The following MDGA2 variants were observed in gnomAD, a reference collection of about 807,000 sequenced individuals.
MDGA2 encodes MAM domain containing glycosylphosphatidylinositol anchor 2.
A neutral mutation model predicts 117.8 loss-of-function variants in MDGA2; 40 were observed. The observed-to-expected ratio is 0.34, with a 90% CI of 0.26 to 0.44. The LOEUF is 0.44. Ranked by LOEUF, MDGA2 falls within the 20% of genes least tolerant of loss-of-function variation. The pLI is 1.00. For synonymous variants in MDGA2, 452 were observed against 439.0 expected (o/e 1.03, Z -0.37); for missense variants, 1,123 against 1,250.6 (o/e 0.90, Z 1.54).
intron 1 of MDGA2, among the ~76,000 whole-genome samples, chr14:47,656,115 A>G (rs549771117): frequency 6.6e-6 from 1 of 152,330 alleles, no homozygotes; most frequent in South Asian, 2.1e-4. Flanking sequence ...TTAAGAGACC[A>G]TGGTGCCAAA....
chr14:47,038,843 T>C (rs1389543739), intron 7 of MDGA2, among the ~76,000 whole-genome samples: 3 of 151,070 alleles, frequency 2.0e-5, no homozygotes, highest in African/African-American at 4.9e-5. Flanking sequence ...TCTGGAGGCT[T>C]AGGGGCTCAG....
rs1031259749 is a variant in MDGA2 at position 47,492,974 on chromosome 14, C to T, written c.280+181543G>A. Reference sequence around the variant, plus strand: ...AAATTTTGTTTCATTTTATTATTTTCTCTAATGCTACATTTATCTTTTAAT... The same window carrying T: ...AAATTTTGTTTCATTTTATTATTTTTTCTAATGCTACATTTATCTTTTAAT... On this transcript the variant is annotated intron_variant, in intron 1 of 16. Coordinates refer to ENST00000399232, the MANE Select transcript of MDGA2 (RefSeq NM_001113498.3). Among the ~76,000 whole-genome samples the T allele has an allele frequency of 3.9e-5, 6 of 151,984 alleles. No individual in the cohort carries two copies. The East Asian group carries it at 1.2e-3, about 29-fold the overall frequency.
chr14:47,222,914 G>C (rs1050556585), intron 2 of MDGA2, among the ~76,000 whole-genome samples: 2 of 152,194 alleles, frequency 1.3e-5, no homozygotes, highest in African/African-American at 4.8e-5. Context: ...GAATACAGTT[G>C]TACGAGTCTG....
At chr14:46,974,901 C>T (rs1408817975) in intron 8 of MDGA2, among the ~76,000 whole-genome samples, 2 of 151,320 alleles carry the variant, frequency 1.3e-5, no homozygotes, top group African/African-American at 4.9e-5. Context: ...AAAGTAGCAA[C>T]AGAGTAAAAA....
rs1890765651 is a variant in MDGA2 at position 47,346,511 on chromosome 14, G to C, written c.281-44961C>G. On this transcript the variant is annotated intron_variant, in intron 1 of 16. Coordinates refer to ENST00000399232, the MANE Select transcript of MDGA2 (RefSeq NM_001113498.3). ...CATTTTTAAAAATCCCTTTCTTTCT[G>C]ACCTTGGACAAATCCCAAACTTTCT... Among the ~76,000 whole-genome samples the C allele has an allele frequency of 2.0e-5, 3 of 152,248 alleles. No individual in the cohort carries two copies. In the South Asian group the frequency reaches 6.2e-4, roughly 32 times the overall value.
intron 1 of MDGA2, among the ~76,000 whole-genome samples, chr14:47,415,136 T>TG (rs986964356): frequency 2.6e-4 from 39 of 152,258 alleles, no homozygotes; most frequent in African/African-American, 8.9e-4. Context: ...TGGATCCAGA[T>TG]GCAGAGTAAT....
intron 1 of MDGA2, among the ~76,000 whole-genome samples, chr14:47,654,450 A>G (rs1263065221): frequency 2.0e-5 from 3 of 152,072 alleles, no homozygotes; most frequent in East Asian, 3.9e-4. Flanking sequence ...CAACTGGCTA[A>G]TAACTAACGG....
intron 1 of MDGA2, among the ~76,000 whole-genome samples, chr14:47,512,970 A>G (rs780035852): frequency 6.8e-6 from 1 of 146,120 alleles, no homozygotes; most frequent in African/African-American, 2.8e-5. Flanking sequence ...TTACATTCAC[A>G]AAGTTAGTTA....
At chr14:47,065,938 T>G (rs762971290) in intron 6 of MDGA2, among the ~76,000 whole-genome samples, 5 of 152,210 alleles carry the variant, frequency 3.3e-5, no homozygotes, top group Non-Finnish European at 5.9e-5. Flanking sequence ...GAGATCTGGA[T>G]ATAGAAACCA....
At chr14:47,217,943 T>C in intron 3 of MDGA2, 78 bp downstream of exon 3, 1 of 1,220,990 alleles carries the variant, frequency 8.2e-7, no homozygotes, top group Non-Finnish European at 1.1e-6. Flanking sequence ...CGCTATGGTT[T>C]TTCAGAAAAC....
At chr14:47,441,906 C>T (rs1262686871) in intron 1 of MDGA2, among the ~76,000 whole-genome samples, 1 of 152,116 alleles carries the variant, frequency 6.6e-6, no homozygotes, top group Admixed American at 6.5e-5. Context: ...GTGTCAAATG[C>T]ACACATTCTG....
intron 5 of MDGA2, among the ~76,000 whole-genome samples, chr14:47,107,731 C>T (rs868410560): frequency 3.3e-4 from 50 of 151,490 alleles, no homozygotes; most frequent in African/African-American, 6.6e-4. Context: ...ATGGTTAGCG[C>T]GGTCAGAATT....
intron 5 of MDGA2, among the ~76,000 whole-genome samples, chr14:47,101,134 T>TAGATAGATAGAA (rs1170287998): frequency 5.2e-5 from 7 of 134,922 alleles, no homozygotes; most frequent in African/African-American, 1.3e-4. Flanking sequence ...GACAGATAGA[T>TAGATAGATAGAA]AGAAAGAAAT....
At chr14:46,900,696 G>GAT (rs950777620) in intron 10 of MDGA2, among the ~76,000 whole-genome samples, 3 of 152,092 alleles carry the variant, frequency 2.0e-5, no homozygotes, top group African/African-American at 7.3e-5. Context: ...GGTTTCCAGG[G>GAT]ATAAGGGATA....
intron 1 of MDGA2, among the ~76,000 whole-genome samples, chr14:47,522,946 G>A (rs926958216): frequency 6.6e-6 from 1 of 152,064 alleles, no homozygotes; most frequent in Non-Finnish European, 1.5e-5. Flanking sequence ...GGTAAATGGG[G>A]CCATACATTA....
intron 1 of MDGA2, among the ~76,000 whole-genome samples, chr14:47,611,313 C>A (rs1288012779): frequency 6.6e-6 from 1 of 151,992 alleles, no homozygotes; most frequent in Non-Finnish European, 1.5e-5. Flanking sequence ...GATTTCATGA[C>A]CAAGAACCCA....
intron 8 of MDGA2, among the ~76,000 whole-genome samples, chr14:46,958,990 G>C (rs771773818): frequency 2.1e-4 from 32 of 151,982 alleles, no homozygotes; most frequent in Non-Finnish European, 2.9e-4. Flanking sequence ...TCATCTATAT[G>C]GTTGTTTATT....
At chr14:47,358,295 C>T (rs1054435228) in intron 1 of MDGA2, among the ~76,000 whole-genome samples, 10 of 152,120 alleles carry the variant, frequency 6.6e-5, no homozygotes, top group African/African-American at 2.4e-4. Context: ...TTTCATCTTT[C>T]TTTGGAGAGT....
At chr14:46,995,977 A>G (rs1043262550) in intron 8 of MDGA2, among the ~76,000 whole-genome samples, 8 of 152,082 alleles carry the variant, frequency 5.3e-5, no homozygotes, top group African/African-American at 1.7e-4. Flanking sequence ...TTTAAAAAAA[A>G]GCACTGGTCT....
Sources: allele counts gnomAD v4.1 joint callset (sites outside exome capture counted in the v4.1 genomes callset), GRCh38; gene constraint gnomAD v4.1.1; transcripts MANE v1.5; gene names NCBI Gene and HGNC (gene_info 2026-07-23, HGNC 2026-07-21).